SAMD13: variants seen among roughly 807,000 people sequenced by gnomAD.
SAMD13 encodes the protein sterile alpha motif domain containing 13.
In SAMD13, 9 loss-of-function variants were observed where a neutral mutation model predicts 12.4. The ratio of observed to expected loss-of-function variants is 0.72; its 90% CI spans 0.44 to 1.26. The LOEUF is 1.26. Ranked by LOEUF, SAMD13 falls within the 50% of genes most tolerant of loss-of-function variation. The probability of loss-of-function intolerance (pLI) is 0.00; values close to 1 mark genes in which losing one functional copy is unlikely to be tolerated. For synonymous variants in SAMD13, 46 were observed against 45.4 expected, an observed-to-expected ratio of 1.01 and a Z score of -0.05; for missense variants, 84 against 119.6, an observed-to-expected ratio of 0.70 and a Z score of 1.39.
intron 3 of SAMD13, among the ~76,000 whole-genome samples, chr1:84,330,222 TAAAC>T (rs1444302068): frequency 6.6e-6 from 1 of 152,198 alleles, no homozygotes; most frequent in Non-Finnish European, 1.5e-5. Context: ...AATACTGAGT[TAAAC>T]AAACAGAATA....
intron 3 of SAMD13, among the ~76,000 whole-genome samples, chr1:84,340,601 G>A (rs1679402559): frequency 6.6e-6 from 1 of 152,158 alleles, no homozygotes; most frequent in Non-Finnish European, 1.5e-5. Flanking sequence ...TTTTTAAAAT[G>A]TAATGCCAGC....
intron 3 of SAMD13, chr1:84,345,395 A>C (rs2101821665): frequency 2.7e-6 from 1 of 368,108 alleles, no homozygotes; most frequent in South Asian, 2.1e-5. Flanking sequence ...GACAGAGGTC[A>C]GCTTAGTTCA....
At chr1:84,305,307 C>A (rs1454098151) in intron 2 of SAMD13, among the ~76,000 whole-genome samples, 1 of 151,988 alleles carries the variant, frequency 6.6e-6, no homozygotes, top group African/African-American at 2.4e-5. Context: ...ATGTATCTTC[C>A]TAGATGAAGT....
chr1:84,312,455 G>A (rs1160888771), intron 2 of SAMD13, among the ~76,000 whole-genome samples: 2 of 151,330 alleles, frequency 1.3e-5, no homozygotes, highest in Admixed American at 1.3e-4. Flanking sequence ...TAATAATTAA[G>A]ATAATAACAA....
At chr1:84,323,099 G>A (rs772815183) in intron 2 of SAMD13, among the ~76,000 whole-genome samples, 2 of 152,110 alleles carry the variant, frequency 1.3e-5, no homozygotes, top group Non-Finnish European at 2.9e-5. Flanking sequence ...AAGTGTGTTC[G>A]ATGGGACTCT....
At chr1:84,345,162 T>C (rs1395107569) in intron 3 of SAMD13, 4 of 456,370 alleles carry the variant, frequency 8.8e-6, no homozygotes, top group Non-Finnish European at 1.8e-5. Flanking sequence ...GGTCACCATT[T>C]GTAGCCAGAC....
intron 2 of SAMD13, among the ~76,000 whole-genome samples, chr1:84,320,590 ATCAATATTAATTTAT>A (rs1678922316): frequency 6.6e-6 from 1 of 152,204 alleles, no homozygotes; most frequent in Non-Finnish European, 1.5e-5. Context: ...AGGCAAAGAG[ATCAATATTAATTTAT>A]TAGAATCAGA....
intron 2 of SAMD13, among the ~76,000 whole-genome samples, chr1:84,319,152 C>T (rs1210156666): frequency 6.6e-6 from 1 of 152,134 alleles, no homozygotes; most frequent in African/African-American, 2.4e-5. Flanking sequence ...GAAGCCATAC[C>T]CAAATCCTTT....
At chr1:84,343,703 A>G (rs773039530) in intron 3 of SAMD13, among the ~76,000 whole-genome samples, 8 of 152,122 alleles carry the variant, frequency 5.3e-5, no homozygotes, top group African/African-American at 1.9e-4. Flanking sequence ...GGGGCCTGTC[A>G]GGGGTGGGTT....
intron 2 of SAMD13, among the ~76,000 whole-genome samples, chr1:84,317,025 G>A (rs1678848886): frequency 2.6e-5 from 4 of 152,028 alleles, no homozygotes. Context: ...GTATAGAAAT[G>A]CAACTGATTT....
intron 2 of SAMD13, among the ~76,000 whole-genome samples, chr1:84,312,500 A>G (rs922710030): frequency 6.6e-6 from 1 of 152,036 alleles, no homozygotes; most frequent in African/African-American, 2.4e-5. Flanking sequence ...CAATATACAA[A>G]GGGATCCTCA....
intron 2 of SAMD13, among the ~76,000 whole-genome samples, chr1:84,311,372 GA>G (rs909341955): frequency 9.6e-5 from 14 of 145,994 alleles, no homozygotes; most frequent in East Asian, 2.0e-4. Context: ...AAAAGAAAAA[GA>G]AAAAAAAATT....
chr1:84,306,268 T>C (rs1193381498), intron 2 of SAMD13, among the ~76,000 whole-genome samples: 1 of 151,814 alleles, frequency 6.6e-6, no homozygotes, highest in East Asian at 1.9e-4. Context: ...TAATTTGAAT[T>C]TTCAATTATC....
chr1:84,304,510 A>G (rs1004411122), intron 2 of SAMD13, among the ~76,000 whole-genome samples: 1 of 152,180 alleles, frequency 6.6e-6, no homozygotes, highest in African/African-American at 2.4e-5. Flanking sequence ...TAGCAGCTTT[A>G]CTGAAGTATA....
chr1:84,345,560 A>G (rs1022310361), intron 3 of SAMD13, among the ~76,000 whole-genome samples: 3 of 152,140 alleles, frequency 2.0e-5, no homozygotes, highest in Non-Finnish European at 4.4e-5. Flanking sequence ...CACCACAAAT[A>G]TGGCCTTCCC....
intron 3 of SAMD13, among the ~76,000 whole-genome samples, chr1:84,341,835 G>A (rs566889899): frequency 5.0e-4 from 76 of 152,150 alleles, no homozygotes; most frequent in Non-Finnish European, 9.8e-4. Context: ...GTTGTAAAAG[G>A]AAGGGGAAAT....
chr1:84,339,732 G>C (rs1679383805), intron 3 of SAMD13, among the ~76,000 whole-genome samples: 1 of 152,184 alleles, frequency 6.6e-6, no homozygotes, highest in Admixed American at 6.5e-5. Context: ...TCTCCAAGTT[G>C]AGGAGTGAGT....
At chr1:84,304,564 A>AT (rs1678525532) in intron 2 of SAMD13, among the ~76,000 whole-genome samples, 1 of 152,132 alleles carries the variant, frequency 6.6e-6, no homozygotes, top group Non-Finnish European at 1.5e-5. Flanking sequence ...AAGTTTTGAT[A>AT]TTTTTATCCC....
In SAMD13 at chr1:84,311,173, T is replaced by C. The variant is rs1401352844; in HGVS notation, c.53+7886T>C. ...CAACATGGTGAAATCCCATCTCTAC[T>C]AAAAATACAAAAATTATCCAGGCAT... On this transcript the variant is annotated intron_variant, in intron 2 of 3. Transcript: ENST00000394834. Among the ~76,000 whole-genome samples the C allele has an allele frequency of 4.0e-5, 6 of 151,582 alleles. No individual in the cohort carries two copies. The South Asian group carries it at 1.3e-3, about 32-fold the overall frequency.
Sources: allele counts gnomAD v4.1 joint callset (sites outside exome capture counted in the v4.1 genomes callset), GRCh38; gene constraint gnomAD v4.1.1; transcripts MANE v1.5; gene names NCBI Gene and HGNC (gene_info 2026-07-23, HGNC 2026-07-21).